FAM163A: variants seen among roughly 807,000 people sequenced by gnomAD.
FAM163A encodes family with sequence similarity 163 member A, also known as protein FAM163A.
In FAM163A, 7 loss-of-function variants were observed where a neutral mutation model predicts 12.0. That is an observed-to-expected ratio of 0.58 (90% CI 0.33 to 1.10). The LOEUF is 1.10. Ranked by LOEUF, FAM163A falls within the 50% of genes least tolerant of loss-of-function variation. The pLI is 0.03. For missense variants in FAM163A, 202 were observed against 218.6 expected (o/e 0.92, Z 0.48); for synonymous variants, 101 against 91.0 (o/e 1.11, Z -0.62).
At chr1:179,801,833 C>T (rs1272117336) in intron 1 of FAM163A, among the ~76,000 whole-genome samples, 1 of 152,172 alleles carries the variant, frequency 6.6e-6, no homozygotes, top group Admixed American at 6.5e-5. Context: ...ACCAGGCAGG[C>T]GGCCGGAGTG....
At chr1:179,810,731 A>G (rs1694597071) in intron 2 of FAM163A, among the ~76,000 whole-genome samples, 1 of 152,024 alleles carries the variant, frequency 6.6e-6, no homozygotes, top group Non-Finnish European at 1.5e-5. Flanking sequence ...TTTCATCACT[A>G]GGCAATAAGC....
chr1:179,749,443 T>C (rs1197309235), intron 1 of FAM163A, among the ~76,000 whole-genome samples: 1 of 152,226 alleles, frequency 6.6e-6, no homozygotes, highest in African/African-American at 2.4e-5. Flanking sequence ...ATCAGAGGAC[T>C]AAAAAATATT....
At chr1:179,790,621 T>C (rs1045257315) in intron 1 of FAM163A, among the ~76,000 whole-genome samples, 9 of 152,134 alleles carry the variant, frequency 5.9e-5, no homozygotes, top group Admixed American at 4.6e-4. Flanking sequence ...CTGATCTGGA[T>C]GGATGGCAGT....
chr1:179,798,160 G>C (rs1470756554), intron 1 of FAM163A, among the ~76,000 whole-genome samples: 1 of 152,154 alleles, frequency 6.6e-6, no homozygotes, highest in Non-Finnish European at 1.5e-5. Context: ...AGCCTGGGAA[G>C]TGGAGGTTGC....
intron 1 of FAM163A, among the ~76,000 whole-genome samples, chr1:179,798,082 T>G (rs1007897371): frequency 6.6e-6 from 1 of 151,950 alleles, no homozygotes; most frequent in African/African-American, 2.4e-5. Flanking sequence ...ATACAAAAAC[T>G]AGCCAGGCAT....
chr1:179,810,655 G>A (rs1571600081), intron 2 of FAM163A, among the ~76,000 whole-genome samples: 1 of 152,170 alleles, frequency 6.6e-6, no homozygotes, highest in Non-Finnish European at 1.5e-5. Flanking sequence ...TCTAGGTTCC[G>A]CAACTCTAGT....
In FAM163A at chr1:179,815,090, T is replaced by C; in HGVS notation, c.*901T>C. Reference sequence around the variant, plus strand: ...GGGTGTGCATAACCGTTCCCAGGTGTACGCACGCGCGCGCGCGCGCACAGA... The same window carrying C: ...GGGTGTGCATAACCGTTCCCAGGTGCACGCACGCGCGCGCGCGCGCACAGA... On this transcript the variant is annotated 3_prime_UTR_variant, in exon 5 of 5. Coordinates refer to ENST00000341785, the MANE Select transcript of FAM163A (RefSeq NM_173509.3). 1 of 117,146 alleles carries C rather than the reference T, an allele frequency of 8.5e-6. No individual in the cohort carries two copies. Among genetic ancestry groups the C allele is most frequent in the Non-Finnish European group, 1.6e-5 (1 of 61,042 alleles). The allele number at this position is 117,146 out of a possible 1,614,324, so 7.3% of individuals were successfully genotyped here. A position where few individuals can be genotyped will look rare whatever the true frequency, so the allele number is the denominator to read the frequency against.
the FAM163A span, among the ~76,000 whole-genome samples, chr1:179,734,403 G>T: frequency 6.6e-6 from 1 of 151,750 alleles, no homozygotes; most frequent in Non-Finnish European, 1.5e-5. Flanking sequence ...GAAATTAAAC[G>T]AATACTCCTT....
chr1:179,766,185 C>G (rs947481285), intron 1 of FAM163A, among the ~76,000 whole-genome samples: 4 of 152,166 alleles, frequency 2.6e-5, no homozygotes. Context: ...ATCTCTCTTC[C>G]CCAAGACAGG....
At chr1:179,753,650 A>C (rs1685593182) in intron 1 of FAM163A, among the ~76,000 whole-genome samples, 1 of 152,154 alleles carries the variant, frequency 6.6e-6, no homozygotes, top group Non-Finnish European at 1.5e-5. Flanking sequence ...GGCAGATGTC[A>C]ATAGGTGTGT....
chr1:179,783,723 A>ATC (rs1690127110), intron 1 of FAM163A, among the ~76,000 whole-genome samples: 1 of 119,228 alleles, frequency 8.4e-6, no homozygotes, highest in Non-Finnish European at 1.6e-5. Flanking sequence ...TACTTCCCAA[A>ATC]TTTTATATAA....
chr1:179,767,746 C>T (rs1687705473), intron 1 of FAM163A, among the ~76,000 whole-genome samples: 1 of 152,118 alleles, frequency 6.6e-6, no homozygotes. Context: ...GCTCCAATGC[C>T]CTCCCAACAC....
At chr1:179,808,676 C>A (rs954561652) in intron 2 of FAM163A, among the ~76,000 whole-genome samples, 18 of 152,128 alleles carry the variant, frequency 1.2e-4, no homozygotes, top group African/African-American at 4.3e-4. Context: ...ATGCTGTTTT[C>A]GATTGGTTAA....
At chr1:179,741,003 G>A (rs1050053844), upstream of FAM163A, among the ~76,000 whole-genome samples, 1 of 152,182 alleles carries the variant, frequency 6.6e-6, no homozygotes, top group Non-Finnish European at 1.5e-5. Flanking sequence ...TTGATCAAAA[G>A]ATACCATTAA....
chr1:179,766,374 T>C lies in FAM163A; in HGVS notation c.-136+22951T>C, dbSNP rs181418222. On this transcript the variant is annotated intron_variant, in intron 1 of 4. Transcript: ENST00000341785. Reference sequence around the variant, plus strand: ...CACACCCAGAGGAAGGACTTCATGCTCAGAGGGGCCAAGAAGAATCCAGAC... The same window carrying C: ...CACACCCAGAGGAAGGACTTCATGCCCAGAGGGGCCAAGAAGAATCCAGAC... Among the ~76,000 whole-genome samples, 420 of 152,296 alleles carry C rather than the reference T, an allele frequency of 2.8e-3. 4 individuals are homozygous for C. The highest frequency in any genetic ancestry group is 2.1e-3 in the Non-Finnish European group (140 of 68,024).
intron 1 of FAM163A, among the ~76,000 whole-genome samples, chr1:179,772,577 G>A (rs985383378): frequency 5.3e-5 from 8 of 152,168 alleles, no homozygotes; most frequent in Non-Finnish European, 7.3e-5. Flanking sequence ...GCATACTAAC[G>A]TTTGAGAACC....
rs935448292 is a variant in FAM163A, at chr1:179,799,829, A to G, written c.-135-7969A>G. The stretch of plus-strand genomic sequence containing the variant: ...TAGCATTGTCTGTATAAAATTGCCC[A>G]CACTCGTGTAAAATGACACATAACT... On this transcript the variant is annotated intron_variant, in intron 1 of 4. Transcript: ENST00000341785. 2.0e-5 allele frequency among the ~76,000 whole-genome samples: 3 copies of G among 152,204 alleles called. No individual in the cohort carries two copies. In the East Asian group the frequency reaches 5.8e-4, roughly 29 times the overall value.
intron 1 of FAM163A, among the ~76,000 whole-genome samples, chr1:179,746,173 G>C (rs2147952102): frequency 6.6e-6 from 1 of 152,224 alleles, no homozygotes; most frequent in South Asian, 2.1e-4. Context: ...AGAGTAAATT[G>C]GTACAACTTT....
chr1:179,790,031 G>T (rs1557949064), intron 1 of FAM163A, among the ~76,000 whole-genome samples: 1 of 152,070 alleles, frequency 6.6e-6, no homozygotes, highest in East Asian at 1.9e-4. Context: ...AGTGAATACA[G>T]CAACATACAG....
Sources: allele counts gnomAD v4.1 joint callset (sites outside exome capture counted in the v4.1 genomes callset), GRCh38; gene constraint gnomAD v4.1.1; transcripts MANE v1.5; gene names NCBI Gene and HGNC (gene_info 2026-07-23, HGNC 2026-07-21).